Variants in TIMP2 observed in about 807,000 individuals in gnomAD.
TIMP2 encodes metalloproteinase inhibitor 2.
In TIMP2, 5 loss-of-function variants were observed where a neutral mutation model predicts 24.3. The observed-to-expected ratio is 0.21, with a 90% CI of 0.11 to 0.43. The LOEUF (loss-of-function observed/expected upper bound fraction) is 0.43, where lower values mean the gene tolerates loss of function less well. Among genes scored for constraint, TIMP2 ranks in the 20% least tolerant of loss-of-function variants. The pLI, the probability that TIMP2 is intolerant of heterozygous loss-of-function variation, is 1.00. For missense variants in TIMP2, 221 were observed against 297.5 expected, an observed-to-expected ratio of 0.74 and a Z score of 1.89; for synonymous variants, 130 against 123.2, an observed-to-expected ratio of 1.06 and a Z score of -0.37.
At chr17:78,884,835 C>T (rs1443365757) in intron 1 of TIMP2, among the ~76,000 whole-genome samples, 1 of 152,232 alleles carries the variant, frequency 6.6e-6, no homozygotes, top group Non-Finnish European at 1.5e-5. Context: ...CCCACCCGTC[C>T]ACTCTAAAAA....
chr17:78,873,359 A>G (rs1288123953), intron 2 of TIMP2, among the ~76,000 whole-genome samples: 1 of 140,548 alleles, frequency 7.1e-6, no homozygotes, highest in Non-Finnish European at 1.5e-5. Flanking sequence ...GCTGGAATAC[A>G]GTGGTGAGAT....
intron 1 of TIMP2, among the ~76,000 whole-genome samples, chr17:78,919,641 C>T (rs936559524): frequency 4.6e-5 from 7 of 152,094 alleles, no homozygotes; most frequent in African/African-American, 7.2e-5. Context: ...GAGACCATCC[C>T]GGCTAACACG....
Position 78,891,262 on chromosome 17 carries a change from C to T in TIMP2, c.131-17343G>A, listed in dbSNP as rs117542112. The stretch of plus-strand genomic sequence containing the variant: ...AGTCGGTCTTGGACGCTGCCTGCTG[C>T]GCCTCCTCCTCTGCTGGGCTCCTGG... On this transcript the variant is annotated intron_variant, in intron 1 of 4. Transcript: ENST00000262768. The surrounding 1 kb of genome is among the most constrained non-coding windows in gnomAD (Gnocchi z 4.5). 0.021 allele frequency: 32,512 copies of T among 1,550,596 alleles called. 438 individuals carry two copies. The highest frequency in any genetic ancestry group is 0.026 in the Middle Eastern group (156 of 5,992).
chr17:78,901,661 T>G, intron 1 of TIMP2: 2 of 710,560 alleles, frequency 2.8e-6, no homozygotes, highest in Non-Finnish European at 5.2e-6. Context: ...GACTTCACTC[T>G]GGGTGCCTCA....
In TIMP2 at chr17:78,885,154, G is replaced by A. The variant is rs555589802; in HGVS notation, c.131-11235C>T. ...GACCCACGCACCACTGCTCAGCCAC[G>A]GAGGCCTTCCTGGGTCCCTGTGGTT... On this transcript the variant is annotated intron_variant, in intron 1 of 4. Coordinates refer to ENST00000262768, the MANE Select transcript of TIMP2 (RefSeq NM_003255.5). Among the ~76,000 whole-genome samples the A allele has an allele frequency of 5.9e-5, 9 of 152,360 alleles. No homozygotes were observed. In the South Asian group the frequency reaches 1.7e-3, roughly 28 times the overall value.
Position 78,887,211 on chromosome 17 carries a change from C to G in TIMP2, c.131-13292G>C, listed in dbSNP as rs569740759. ...CGCCAGGGAAGTCCGGCTTGAGTTT[C>G]TCAGAGGCGTGCACTTGGGGTCCCA... On this transcript the variant is annotated intron_variant, in intron 1 of 4. Transcript: ENST00000262768. 3.9e-5 allele frequency among the ~76,000 whole-genome samples: 6 copies of G among 152,308 alleles called. No individual in the cohort carries two copies. The South Asian group carries it at 1.2e-3, about 32-fold the overall frequency.
At position 78,920,009 on chromosome 17, in the gene TIMP2, C is replaced by A. The variant is rs1378103322; in HGVS notation, c.130+4950G>T. Among the ~76,000 whole-genome samples, 2 of 152,184 alleles carry A rather than the reference C, an allele frequency of 1.3e-5. No homozygotes were observed. The highest frequency in any genetic ancestry group is 2.9e-5 in the Non-Finnish European group (2 of 68,038). ...CTTTGCTTCCTTCTTATCTCCTCCTCCCTGCTGTTGCATCCCTCCTCGCAG... is the reference window on the plus strand; with the variant it reads ...CTTTGCTTCCTTCTTATCTCCTCCTACCTGCTGTTGCATCCCTCCTCGCAG... On this transcript the variant is annotated intron_variant, in intron 1 of 4. Transcript: ENST00000262768. The surrounding 1 kb of genome is among the most constrained non-coding windows in gnomAD (Gnocchi z 4.5).
chr17:78,892,003 C>T lies in TIMP2; in HGVS notation c.131-18084G>A, dbSNP rs564686703. Reference sequence around the variant, plus strand: ...CACTAAGGGCTGCTCTATGCTTCTCCTTGGCCCTCGGGGGCCTGGCTGATC... The same window carrying T: ...CACTAAGGGCTGCTCTATGCTTCTCTTTGGCCCTCGGGGGCCTGGCTGATC... On this transcript the variant is annotated intron_variant, in intron 1 of 4. Coordinates refer to ENST00000262768, the MANE Select transcript of TIMP2 (RefSeq NM_003255.5). 1,148 of 1,550,762 alleles carry T rather than the reference C, an allele frequency of 7.4e-4. 15 individuals carry two copies. In the South Asian group the frequency reaches 0.013, roughly 17 times the overall value.
intron 1 of TIMP2, among the ~76,000 whole-genome samples, chr17:78,895,866 C>T (rs187349051): frequency 9.9e-4 from 151 of 152,252 alleles, no homozygotes; most frequent in African/African-American, 3.5e-3. Flanking sequence ...TGCCAAGAGC[C>T]GTTGGCTCAC....
chr17:78,890,546 C>T, intron 1 of TIMP2: 1 of 1,371,586 alleles, frequency 7.3e-7, no homozygotes. Context: ...GTCTCTGAGG[C>T]AATGACGCAA....
At chr17:78,921,046 TA>T (rs1423465128) in intron 1 of TIMP2, among the ~76,000 whole-genome samples, 1 of 152,192 alleles carries the variant, frequency 6.6e-6, no homozygotes, top group East Asian at 1.9e-4. Flanking sequence ...ACAGTTTCTT[TA>T]AAAAGCGCCA....
chr17:78,891,434 T>A lies in TIMP2; in HGVS notation c.131-17515A>T. The stretch of plus-strand genomic sequence containing the variant: ...CAGTGCCAGGTACAAGCACAGGTGT[T>A]TTTTCAGCTTTCTGTTTATATTAAA... On this transcript the variant is annotated intron_variant, in intron 1 of 4. Coordinates refer to ENST00000262768, the MANE Select transcript of TIMP2 (RefSeq NM_003255.5). The surrounding 1 kb of genome is among the most constrained non-coding windows in gnomAD (Gnocchi z 4.5). 1 of 1,550,914 alleles carries A rather than the reference T, an allele frequency of 6.4e-7. No individual in the cohort carries two copies. Among genetic ancestry groups the A allele is most frequent in the Non-Finnish European group, 8.7e-7 (1 of 1,147,070 alleles).
At chr17:78,918,553 T>G (rs1000001586) in intron 1 of TIMP2, among the ~76,000 whole-genome samples, 2 of 151,994 alleles carry the variant, frequency 1.3e-5, no homozygotes, top group African/African-American at 4.8e-5. Flanking sequence ...CTGCCCGCCT[T>G]CCCTCCTCCC....
chr17:78,910,202 T>C (rs1166673527), intron 1 of TIMP2, among the ~76,000 whole-genome samples: 1 of 151,796 alleles, frequency 6.6e-6, no homozygotes, highest in Non-Finnish European at 1.5e-5. Flanking sequence ...TTCTTTTTTT[T>C]TTTTTTGAGA....
intron 3 of TIMP2, among the ~76,000 whole-genome samples, chr17:78,862,648 C>T (rs2069577020): frequency 6.6e-6 from 1 of 152,236 alleles, no homozygotes; most frequent in Non-Finnish European, 1.5e-5. Context: ...TGAACGGATC[C>T]ATCGCCCAGG....
At position 78,924,964 on chromosome 17, in the gene TIMP2, T is replaced by C; in HGVS notation, c.125A>G (p.Asp42Gly). 7.7e-7 allele frequency: 1 copy of C among 1,293,774 alleles called. No individual in the cohort carries two copies. 80.1% of individuals were successfully genotyped at this position (1,293,774 alleles called of 1,614,324 possible). A position where few individuals can be genotyped will look rare whatever the true frequency, so the allele number is the denominator to read the frequency against. Residue 42 changes from aspartate to glycine, a missense_variant, in exon 1 of 5, where the codon GAT (aspartate) becomes GGT (glycine). By Grantham distance (94) the Asp-to-Gly change is moderately conservative. Transcript: ENST00000262768. The surrounding 1 kb of genome is among the most constrained non-coding windows in gnomAD (Gnocchi z 5.3). ...CTGGGGTCGCCGCTCCTTACCTACATCTGCATTGCAAAACGCCTGTTGCGG... is the reference window on the plus strand; with the variant it reads ...CTGGGGTCGCCGCTCCTTACCTACACCTGCATTGCAAAACGCCTGTTGCGG... ...VHPQQAFCNA[D>G]VVIRAKAVSE...
chr17:78,897,048 G>A (rs1263597041), intron 1 of TIMP2: 1 of 973,756 alleles, frequency 1.0e-6, no homozygotes, highest in African/African-American at 1.8e-5. Context: ...CCTCACCCAG[G>A]GACCCTCCAC....
At chr17:78,897,685 G>A (rs1284336988) in intron 1 of TIMP2, 2 of 152,276 alleles carry the variant, frequency 1.3e-5, no homozygotes, top group African/African-American at 4.8e-5. Flanking sequence ...CCATCCCTGA[G>A]GACAATGGCA....
At chr17:78,923,105 T>C (rs1043156057) in intron 1 of TIMP2, among the ~76,000 whole-genome samples, 5 of 152,078 alleles carry the variant, frequency 3.3e-5, no homozygotes, top group Non-Finnish European at 4.4e-5. Flanking sequence ...AACTCTGGCA[T>C]CTGACTGGGC....
Sources: gnomAD v4.1 joint callset for allele counts (sites outside exome capture counted in the v4.1 genomes callset) on GRCh38, gnomAD v4.1.1 for gene constraint, Gnocchi (gnomAD v3.1) non-coding constraint, MANE v1.5 for transcripts, NCBI Gene and HGNC (gene_info 2026-07-23, HGNC 2026-07-21) for gene names.